ABCB1: variants seen among roughly 807,000 people sequenced by gnomAD.
The protein encoded by ABCB1 is ATP binding cassette subfamily B member 1.
In ABCB1, 69 loss-of-function variants were observed where a neutral mutation model predicts 142.0. That is an observed-to-expected ratio of 0.49 (90% confidence interval 0.40 to 0.59). The LOEUF (loss-of-function observed/expected upper bound fraction) is 0.59. Among genes scored for constraint, ABCB1 ranks in the 20% least tolerant of loss-of-function variants. The pLI is 0.00. For missense variants in ABCB1, 1,326 were observed against 1,554.7 expected (o/e 0.85, Z 2.47); for synonymous variants, 532 against 539.2 (o/e 0.99, Z 0.18).
intron 26 of ABCB1, among the ~76,000 whole-genome samples, chr7:87,506,610 T>G (rs1279764314): frequency 6.6e-6 from 1 of 152,158 alleles, no homozygotes; most frequent in Non-Finnish European, 1.5e-5. Flanking sequence ...TTTTAAACAT[T>G]TTTGTTGTTA....
rs115089663 is a variant in ABCB1, at chr7:87,673,767, G to T, written c.-331+39394C>A. Among the ~76,000 whole-genome samples the T allele has an allele frequency of 3.8e-3, 578 of 152,300 alleles. 9 individuals carry two copies. Among genetic ancestry groups the T allele is most frequent in the African/African-American group, 0.013 (542 of 41,556 alleles). ...TTGCTGGGAAACTAGGTAGTTGTTT[G>T]GAGGTAATAAGACACTCTGGCTGTT... On this transcript the variant is annotated intron_variant, in intron 1 of 28. Coordinates refer to the ABCB1 transcript ENST00000265724.
chr7:87,531,153 G>T, intron 21 of ABCB1, 141 bp downstream of exon 21: 1 of 766,212 alleles, frequency 1.3e-6, no homozygotes, highest in Non-Finnish European at 2.2e-6. Flanking sequence ...CTAATTTACT[G>T]AATAAGCATG....
At chr7:87,555,609 C>T (rs1817273644) in intron 8 of ABCB1, among the ~76,000 whole-genome samples, 1 of 152,150 alleles carries the variant, frequency 6.6e-6, no homozygotes, top group Non-Finnish European at 1.5e-5. Context: ...TTCATAGTGA[C>T]AACATAGCAA....
chr7:87,647,131 AT>A (rs1823084495), intron 1 of ABCB1, among the ~76,000 whole-genome samples: 1 of 152,178 alleles, frequency 6.6e-6, no homozygotes, highest in African/African-American at 2.4e-5. Flanking sequence ...AATTTGTATC[AT>A]TCTCGTTTCA....
chr7:87,539,573 C>T (rs574297811), intron 18 of ABCB1, among the ~76,000 whole-genome samples: 10 of 152,278 alleles, frequency 6.6e-5, no homozygotes, highest in Non-Finnish European at 1.3e-4. Flanking sequence ...TGATAAGATC[C>T]ATAGCCCACA....
At chr7:87,630,775 G>C (rs944296810) in intron 1 of ABCB1, among the ~76,000 whole-genome samples, 1 of 150,744 alleles carries the variant, frequency 6.6e-6, no homozygotes, top group Admixed American at 6.6e-5. Flanking sequence ...GATGGGTACT[G>C]TTCCTTTTGC....
chr7:87,507,998 G>C (rs1205293583), intron 26 of ABCB1, among the ~76,000 whole-genome samples: 1 of 151,676 alleles, frequency 6.6e-6, no homozygotes, highest in Non-Finnish European at 1.5e-5. Context: ...GGAGGGAAGG[G>C]GGGTAAGTGT....
chr7:87,628,971 C>G lies in ABCB1; in HGVS notation c.-330-27893G>C, dbSNP rs767937080. 8 of 1,306,852 alleles carry G rather than the reference C, an allele frequency of 6.1e-6. No homozygotes were observed. In the South Asian group the frequency reaches 2.6e-4, roughly 43 times the overall value. The allele number at this position is 1,306,852 out of a possible 1,614,324, so 81.0% of individuals were successfully genotyped here. Reference sequence around the variant, plus strand: ...GTACGGCAGCGCAGGGCGAGGGGAACCAGCCTCCCGCCGGGGCTGAGAGCT... The same window carrying G: ...GTACGGCAGCGCAGGGCGAGGGGAAGCAGCCTCCCGCCGGGGCTGAGAGCT... On this transcript the variant is annotated intron_variant, in intron 1 of 28. Transcript: ENST00000265724.
At chr7:87,563,988 G>A (rs571036862) in intron 7 of ABCB1, 2 of 253,924 alleles carry the variant, frequency 7.9e-6, no homozygotes, top group Non-Finnish European at 1.6e-5. Context: ...ACATAGAGGG[G>A]AACAACACAC....
intron 1 of ABCB1, among the ~76,000 whole-genome samples, chr7:87,697,704 C>G (rs1187869809): frequency 6.6e-6 from 1 of 152,184 alleles, no homozygotes; most frequent in South Asian, 2.1e-4. Flanking sequence ...GCACTAGACT[C>G]TTTGCTACTT....
chr7:87,519,881 CAT>C (rs1316487543), intron 22 of ABCB1, among the ~76,000 whole-genome samples: 4 of 152,162 alleles, frequency 2.6e-5, no homozygotes, highest in Non-Finnish European at 4.4e-5. Flanking sequence ...GATGGGTTGA[CAT>C]AGAGGAAACA....
At chr7:87,565,810 G>C (rs1817762551) in intron 7 of ABCB1, among the ~76,000 whole-genome samples, 1 of 151,198 alleles carries the variant, frequency 6.6e-6, no homozygotes, top group African/African-American at 2.4e-5. Flanking sequence ...TTCTTACAAA[G>C]GCAGAAGGTA....
chr7:87,503,532 A>G lies in ABCB1; in HGVS notation c.*711T>C, dbSNP rs1024377554. On this transcript the variant is annotated 3_prime_UTR_variant, in exon 28 of 28. Transcript: ENST00000622132. Reference sequence around the variant, plus strand: ...ACCCTTTATAAAAGCAATGCAAAGTATTTACTATACATCTGAATAATATGC... The same window carrying G: ...ACCCTTTATAAAAGCAATGCAAAGTGTTTACTATACATCTGAATAATATGC... The G allele has an allele frequency of 1.3e-5, 2 of 152,286 alleles. No individual in the cohort carries two copies. The allele number at this position is 152,286 out of a possible 1,614,324, so 9.4% of individuals were successfully genotyped here. A position where few individuals can be genotyped will look rare whatever the true frequency, so the allele number is the denominator to read the frequency against.
At chr7:87,658,697 T>C (rs755778982) in intron 1 of ABCB1, among the ~76,000 whole-genome samples, 7 of 152,112 alleles carry the variant, frequency 4.6e-5, no homozygotes, top group Non-Finnish European at 1.0e-4. Context: ...TCAGAAACCA[T>C]GGAGGCCAGG....
chr7:87,554,003 GA>G lies in ABCB1; in HGVS notation c.828-72del, dbSNP rs1401751498. 4 of 1,424,126 alleles carry G rather than the reference GA, an allele frequency of 2.8e-6. No homozygotes were observed. The African/African-American group carries it at 4.2e-5, about 15-fold the overall frequency. The allele number at this position is 1,424,126 out of a possible 1,614,324, so 88.2% of individuals were successfully genotyped here. On this transcript the variant is annotated intron_variant, in intron 8 of 27. Transcript: ENST00000622132. ...ATGTCGATATAGCATGATAGTTACA[GA>G]GTGGCTAGGATGTGTTCAGTCCTGT...
chr7:87,509,156 G>T, intron 26 of ABCB1, 119 bp downstream of exon 26: 2 of 963,862 alleles, frequency 2.1e-6, no homozygotes, highest in Non-Finnish European at 3.3e-6. Context: ...ATACAGGTAA[G>T]GGTGTGATTT....
At chr7:87,683,244 G>A (rs375331351) in intron 1 of ABCB1, among the ~76,000 whole-genome samples, 14 of 152,214 alleles carry the variant, frequency 9.2e-5, no homozygotes, top group African/African-American at 3.1e-4. Flanking sequence ...CTTCTATTCA[G>A]ACCACTCAAA....
At position 87,585,720 on chromosome 7, in the gene ABCB1, T is replaced by C. The variant is rs201153365; in HGVS notation, c.118-40A>G. On this transcript the variant is annotated intron_variant, in intron 3 of 27. Coordinates refer to ENST00000622132, the MANE Select transcript of ABCB1 (RefSeq NM_001348946.2). The stretch of plus-strand genomic sequence containing the variant: ...AAAAGAATAGCAGAGGAAAAATTAG[T>C]ACAGTTTCATGGAAGATTTGCTTTT... The C allele has an allele frequency of 5.4e-5, 86 of 1,599,266 alleles. No homozygotes were observed. The African/African-American group carries it at 8.8e-4, about 16-fold the overall frequency.
At chr7:87,648,184 CAAAA>C (rs138383809) in intron 1 of ABCB1, among the ~76,000 whole-genome samples, 2 of 65,456 alleles carry the variant, frequency 3.1e-5, no homozygotes, top group Admixed American at 1.6e-4. Flanking sequence ...GACTCTGTCT[CAAAA>C]AAAAAAAAAA....
Sources: gnomAD v4.1 joint callset for allele counts (sites outside exome capture counted in the v4.1 genomes callset) on GRCh38, gnomAD v4.1.1 for gene constraint, MANE v1.5 for transcripts, NCBI Gene and HGNC (gene_info 2026-07-23, HGNC 2026-07-21) for gene names.